Variants in ERCC4 observed in about 807,000 individuals in gnomAD.
ERCC4 encodes ERCC excision repair 4, endonuclease catalytic subunit.
A neutral mutation model predicts 76.9 loss-of-function variants in ERCC4; 65 were observed. The ratio of observed to expected loss-of-function variants is 0.84; its 90% CI spans 0.69 to 1.04. ERCC4 has a LOEUF of 1.04. Among genes scored for constraint, ERCC4 ranks in the 50% least tolerant of loss-of-function variants. The pLI, the probability that ERCC4 is intolerant of heterozygous loss-of-function variation, is 0.00. For synonymous variants in ERCC4, 463 were observed against 410.1 expected (o/e 1.13, Z -1.56); for missense variants, 1,214 against 1,128.2 (o/e 1.08, Z -1.09).
chr16:13,920,886 G>C (rs1422730671), intron 1 of ERCC4, among the ~76,000 whole-genome samples: 1 of 152,098 alleles, frequency 6.6e-6, no homozygotes, highest in Non-Finnish European at 1.5e-5. Flanking sequence ...ACAACACTAA[G>C]AGGGATGGGA....
At chr16:13,932,074 G>A (rs759742433) in intron 5 of ERCC4, 83 bp from the exon 6 acceptor site, 15 of 1,155,080 alleles carry the variant, frequency 1.3e-5, no homozygotes, top group Middle Eastern at 2.6e-4. Context: ...AGCCAGTTAC[G>A]TATGTAGGTC....
intron 6 of ERCC4, 140 bp from the exon 7 acceptor site, chr16:13,934,052 T>C (rs2032234551): frequency 1.7e-6 from 1 of 598,724 alleles, no homozygotes; most frequent in African/African-American, 1.9e-5. Context: ...GGAAAGCAGA[T>C]TCCATCTAAC....
Position 13,920,441 on chromosome 16 carries a change from G to A in ERCC4, c.207+69G>A, listed in dbSNP as rs2031950190. On this transcript the variant is annotated intron_variant, in intron 1 of 10. Coordinates refer to ENST00000311895, the MANE Select transcript of ERCC4 (RefSeq NM_005236.3). ...TGAGGGCCTCCTGAGCGGATGCGAG[G>A]CCTCTGACAGGGATGGAGGGGCTCT... The A allele has an allele frequency of 2.9e-6, 4 of 1,356,036 alleles. No homozygotes were observed. The East Asian group carries it at 1.0e-4, about 34-fold the overall frequency. 84.0% of individuals were successfully genotyped at this position (1,356,036 alleles called of 1,614,324 possible). A position where few individuals can be genotyped will look rare whatever the true frequency, so the allele number is the denominator to read the frequency against.
At position 13,922,083 on chromosome 16, in the gene ERCC4, G is replaced by A. The variant is rs371487368; in HGVS notation, c.260G>A (p.Arg87His). The change falls in exon 2 of 11, where the codon CGT (arginine) becomes CAT (histidine). Residue 87 changes from arginine (R) to histidine (H), a missense_variant. By Grantham distance (29) the Arg-to-His change is conservative. Transcript: ENST00000311895. ...GAAGGAGTTGAACACCTCCCTCGCCGTGTAACAAATGAAATCACAAGCAAC... is the reference window on the plus strand; with the variant it reads ...GAAGGAGTTGAACACCTCCCTCGCCATGTAACAAATGAAATCACAAGCAAC... ...KIEGVEHLPRRVTNEITSNSR... is the reference protein window; with the variant it reads ...KIEGVEHLPRHVTNEITSNSR... The A allele has an allele frequency of 4.8e-5, 77 of 1,613,594 alleles. No individual in the cohort carries two copies. The highest frequency in any genetic ancestry group is 1.5e-4 in the Admixed American group (9 of 59,984).
chr16:13,944,613 C>A (rs41540912), intron 9 of ERCC4, 110 bp from the exon 10 acceptor site: 607 of 750,888 alleles, frequency 8.1e-4, no homozygotes, highest in Middle Eastern at 4.0e-3. Context: ...TTTTGTTTTT[C>A]TCTTACTGCT....
Position 13,948,109 on chromosome 16 carries a change from T to C in ERCC4, c.2513T>C (p.Leu838Pro), listed in dbSNP as rs1226361901. ...ALAITADSET[L>P]PESEKYNPGP... ...GCCATTACAGCAGATTCTGAAACCC[T>C]TCCCGAGTCAGAGAAGTATAATCCT... Residue 838 changes from leucine (L) to proline (P), a missense_variant, in exon 11 of 11, where the codon CTT (leucine) becomes CCT (proline). Leu to Pro is a moderately conservative substitution (Grantham distance 98). Coordinates refer to ENST00000311895, the MANE Select transcript of ERCC4 (RefSeq NM_005236.3). 6.2e-7 allele frequency: 1 copy of C among 1,614,174 alleles called. No homozygotes were observed. Among genetic ancestry groups the C allele is most frequent in the South Asian group, 1.1e-5 (1 of 91,076 alleles).
At chr16:13,929,841 G>A (rs1381425686) in intron 4 of ERCC4, among the ~76,000 whole-genome samples, 1 of 152,156 alleles carries the variant, frequency 6.6e-6, no homozygotes, top group African/African-American at 2.4e-5. Context: ...GGCAACGCCT[G>A]TAGTCCCAGC....
At chr16:13,945,667 C>T (rs537821376) in intron 10 of ERCC4, among the ~76,000 whole-genome samples, 2 of 152,234 alleles carry the variant, frequency 1.3e-5, no homozygotes, top group East Asian at 1.9e-4. Flanking sequence ...GCCAGCAGCT[C>T]GGGGGCTTCT....
At chr16:13,931,076 C>T (rs911647355) in intron 5 of ERCC4, 186 bp downstream of exon 5, 78 of 613,158 alleles carry the variant, frequency 1.3e-4, no homozygotes, top group Non-Finnish European at 5.2e-5. Context: ...GCCTACTTAA[C>T]GTCTGTTCTG....
At position 13,947,810 on chromosome 16, in the gene ERCC4, C is replaced by T. The variant is rs1293899276; in HGVS notation, c.2214C>T (p.Asn738=). ...SISDLIGSLN[N]GRLYSQCISM... ...GTGATTTAATCGGCTCTTTAAATAA[C>T]GGCCGCCTCTACAGCCAGTGCATCT... Residue 738 remains asparagine (N), a synonymous_variant, in exon 11 of 11, where the codon AAC becomes AAT. Coordinates refer to ENST00000311895, the MANE Select transcript of ERCC4 (RefSeq NM_005236.3). 7 of 1,614,092 alleles carry T rather than the reference C, an allele frequency of 4.3e-6. No homozygotes were observed. The highest frequency in any genetic ancestry group is 2.2e-5 in the East Asian group (1 of 44,900).
intron 10 of ERCC4, 77 bp downstream of exon 10, chr16:13,944,912 C>A: frequency 1.0e-6 from 1 of 961,446 alleles, no homozygotes; most frequent in South Asian, 1.3e-5. Flanking sequence ...TCTGCCAAGG[C>A]TTGGTCTGTA....
chr16:13,926,458 A>G, intron 2 of ERCC4, 103 bp from the exon 3 acceptor site: 3 of 983,182 alleles, frequency 3.1e-6, no homozygotes, highest in East Asian at 2.4e-5. Flanking sequence ...CCCAGTCTAG[A>G]ATGGTGCTTA....
At chr16:13,921,896 G>A (rs2031983543) in intron 1 of ERCC4, 135 bp from the exon 2 acceptor site, 2 of 639,422 alleles carry the variant, frequency 3.1e-6, no homozygotes, top group African/African-American at 3.7e-5. Context: ...TTACTATAAA[G>A]AAGTAACTTA....
intron 2 of ERCC4, among the ~76,000 whole-genome samples, chr16:13,923,224 C>A (rs1440359874): frequency 1.3e-5 from 2 of 152,206 alleles, no homozygotes; most frequent in East Asian, 3.8e-4. Context: ...ATAGTGCTCA[C>A]AACACTACAT....
chr16:13,941,277 T>C (rs903012663), intron 9 of ERCC4, among the ~76,000 whole-genome samples: 5 of 152,206 alleles, frequency 3.3e-5, no homozygotes, highest in African/African-American at 9.6e-5. Context: ...TCAATGATGA[T>C]TGTCTACTTG....
At chr16:13,923,904 A>G (rs987003206) in intron 2 of ERCC4, among the ~76,000 whole-genome samples, 5 of 152,176 alleles carry the variant, frequency 3.3e-5, no homozygotes, top group Non-Finnish European at 7.4e-5. Flanking sequence ...ACTAGGTGTC[A>G]GTAATATCCT....
chr16:13,920,640 G>T (rs932231670), intron 1 of ERCC4, among the ~76,000 whole-genome samples: 2 of 152,038 alleles, frequency 1.3e-5, no homozygotes, highest in Non-Finnish European at 2.9e-5. Flanking sequence ...GAGGGGCCCC[G>T]AGAAGGCTGC....
Position 13,949,180 on chromosome 16 carries a change from G to A in ERCC4, c.*833G>A. 1 of 233,128 alleles carries A rather than the reference G, an allele frequency of 4.3e-6. No individual in the cohort carries two copies. The highest frequency in any genetic ancestry group is 8.5e-6 in the Non-Finnish European group (1 of 118,002). The allele number at this position is 233,128 out of a possible 1,614,324, so 14.4% of individuals were successfully genotyped here. A position where few individuals can be genotyped will look rare whatever the true frequency, so the allele number is the denominator to read the frequency against. The stretch of plus-strand genomic sequence containing the variant: ...CTGTTTGCAAAAGTTAATGATGAAG[G>A]AGCTCTTAGAATTCTCAATTTTTGC... On this transcript the variant is annotated 3_prime_UTR_variant, in exon 11 of 11. Transcript: ENST00000311895.
At chr16:13,942,214 G>A (rs1005642044) in intron 9 of ERCC4, among the ~76,000 whole-genome samples, 3 of 152,238 alleles carry the variant, frequency 2.0e-5, no homozygotes, top group Admixed American at 6.5e-5. Context: ...TATGCCACAT[G>A]TTGAAAGCAA....
Sources: allele counts gnomAD v4.1 joint callset (sites outside exome capture counted in the v4.1 genomes callset), GRCh38; gene constraint gnomAD v4.1.1; transcripts MANE v1.5; gene names NCBI Gene and HGNC (gene_info 2026-07-23, HGNC 2026-07-21).